Variants in RHEB observed in about 807,000 individuals in gnomAD.
The protein encoded by RHEB is Ras homolog, mTORC1 binding, also known as GTP-binding protein Rheb.
Under a neutral mutation model 28.8 loss-of-function variants are expected in RHEB, and 2 were observed. The observed-to-expected ratio is 0.07, with a 90% CI of 0.03 to 0.22. The LOEUF (loss-of-function observed/expected upper bound fraction) is 0.22. Among genes scored for constraint, RHEB ranks in the 10% least tolerant of loss-of-function variants. The pLI, the probability that RHEB is intolerant of heterozygous loss-of-function variation, is 1.00. For synonymous variants in RHEB, 69 were observed against 77.3 expected (o/e 0.89, Z 0.56); for missense variants, 76 against 219.9 (o/e 0.35, Z 4.14).
chr7:151,518,602 A>G (rs1398991904), intron 1 of RHEB, among the ~76,000 whole-genome samples: 1 of 152,100 alleles, frequency 6.6e-6, no homozygotes, highest in African/African-American at 2.4e-5. Flanking sequence ...TCGTTCTGTA[A>G]CACCCCGTCC....
intron 1 of RHEB, chr7:151,503,466 A>C: frequency 1.8e-6 from 2 of 1,129,432 alleles, no homozygotes; most frequent in Middle Eastern, 2.9e-4. Flanking sequence ...ATGACTAGAC[A>C]TGAGTCTGGC....
At chr7:151,499,780 A>G (rs373012767) in intron 1 of RHEB, among the ~76,000 whole-genome samples, 16 of 152,318 alleles carry the variant, frequency 1.1e-4, no homozygotes, top group African/African-American at 3.8e-4. Flanking sequence ...ACTAATTGAG[A>G]AAAGTCAAAT....
chr7:151,498,972 A>G (rs1802721086), intron 1 of RHEB, among the ~76,000 whole-genome samples: 1 of 152,278 alleles, frequency 6.6e-6, no homozygotes, highest in South Asian at 2.1e-4. Flanking sequence ...TTAAACAGCT[A>G]TTAAGTGCGA....
At chr7:151,469,827 A>G (rs1802128894) in intron 7 of RHEB, among the ~76,000 whole-genome samples, 1 of 152,208 alleles carries the variant, frequency 6.6e-6, no homozygotes, top group Admixed American at 6.5e-5. Context: ...TATTGACTGC[A>G]TTCAGGACCA....
chr7:151,505,998 G>A (rs1802869823), intron 1 of RHEB, among the ~76,000 whole-genome samples: 1 of 152,006 alleles, frequency 6.6e-6, no homozygotes, highest in Admixed American at 6.6e-5. Flanking sequence ...AGGGCGTGAG[G>A]GACATGAGAG....
At chr7:151,488,908 C>G (rs995931750) in intron 2 of RHEB, among the ~76,000 whole-genome samples, 4 of 152,176 alleles carry the variant, frequency 2.6e-5, no homozygotes, top group Admixed American at 2.6e-4. Context: ...GTATATATAG[C>G]TCCATGATAC....
intron 1 of RHEB, chr7:151,502,386 G>T: frequency 1.2e-6 from 1 of 804,356 alleles, no homozygotes; most frequent in Non-Finnish European, 2.2e-6. Context: ...GGAGTAAACC[G>T]CCATCCAGTC....
chr7:151,467,457 C>A (rs984998723), intron 7 of RHEB, among the ~76,000 whole-genome samples: 1 of 152,006 alleles, frequency 6.6e-6, no homozygotes, highest in African/African-American at 2.4e-5. Flanking sequence ...CACCAGGAGA[C>A]GCCCGAAGAG....
intron 3 of RHEB, among the ~76,000 whole-genome samples, chr7:151,482,898 G>A (rs1190046990): frequency 6.6e-6 from 1 of 152,134 alleles, no homozygotes; most frequent in Non-Finnish European, 1.5e-5. Context: ...CGTCATCTGT[G>A]CCATGCCCCC....
At chr7:151,478,837 G>A (rs914954089) in intron 3 of RHEB, among the ~76,000 whole-genome samples, 3 of 152,102 alleles carry the variant, frequency 2.0e-5, no homozygotes, top group South Asian at 2.1e-4. Flanking sequence ...ATTTTACCAC[G>A]TTGGCCAGGC....
intron 1 of RHEB, chr7:151,502,202 C>T (rs1041610215): frequency 4.3e-6 from 2 of 469,640 alleles, no homozygotes; most frequent in Admixed American, 3.8e-5. Context: ...CGCCACTGTA[C>T]TCCAGCCTGG....
intron 1 of RHEB, among the ~76,000 whole-genome samples, chr7:151,497,327 T>C (rs763343029): frequency 2.0e-5 from 3 of 152,198 alleles, no homozygotes; most frequent in Non-Finnish European, 2.9e-5. Context: ...ATGTAATTTA[T>C]TGAGTCCCAC....
intron 2 of RHEB, among the ~76,000 whole-genome samples, chr7:151,486,786 G>A (rs1802483587): frequency 6.6e-6 from 1 of 152,278 alleles, no homozygotes; most frequent in Non-Finnish European, 1.5e-5. Context: ...ATTAGAGGTG[G>A]AGATATTCTG....
chr7:151,496,733 C>G (rs1049784276), intron 1 of RHEB, among the ~76,000 whole-genome samples: 16 of 151,932 alleles, frequency 1.1e-4, no homozygotes, highest in African/African-American at 3.9e-4. Context: ...TCTCCAATTT[C>G]CCTTCTGTAG....
At chr7:151,483,998 C>T (rs1186587659) in intron 3 of RHEB, among the ~76,000 whole-genome samples, 2 of 152,130 alleles carry the variant, frequency 1.3e-5, no homozygotes, top group Non-Finnish European at 2.9e-5. Flanking sequence ...TGACTTTTGG[C>T]CATTATCTAC....
At chr7:151,515,446 A>G (rs894584800) in intron 1 of RHEB, among the ~76,000 whole-genome samples, 6 of 152,216 alleles carry the variant, frequency 3.9e-5, no homozygotes, top group Admixed American at 2.6e-4. Flanking sequence ...TTGGCACTGG[A>G]AAGCCATAAT....
intron 1 of RHEB, among the ~76,000 whole-genome samples, chr7:151,513,711 T>C (rs1803029450): frequency 6.6e-6 from 1 of 152,174 alleles, no homozygotes. Context: ...ACTTATGAAG[T>C]TTCGGTATCA....
Position 151,472,923 on chromosome 7 carries a change from C to T in RHEB, c.276-1318G>A, listed in dbSNP as rs529521134. Among the ~76,000 whole-genome samples, 4 of 152,348 alleles carry T rather than the reference C, an allele frequency of 2.6e-5. No individual in the cohort carries two copies. Among genetic ancestry groups the T allele is most frequent in the Non-Finnish European group, 4.4e-5 (3 of 68,044 alleles). Reference sequence around the variant, plus strand: ...GACCTGCGGTTGCATTACAGAACCACGGTTTCCTCCGCATGCTGTATTTGC... The same window carrying T: ...GACCTGCGGTTGCATTACAGAACCATGGTTTCCTCCGCATGCTGTATTTGC... On this transcript the variant is annotated intron_variant, in intron 4 of 7. Coordinates refer to ENST00000262187, the MANE Select transcript of RHEB (RefSeq NM_005614.4). This position sits in a 1 kb window ranked among gnomAD's most constrained non-coding sequence, Gnocchi z 5.2.
At chr7:151,498,958 T>C (rs1191698555) in intron 1 of RHEB, among the ~76,000 whole-genome samples, 1 of 152,250 alleles carries the variant, frequency 6.6e-6, no homozygotes, top group Non-Finnish European at 1.5e-5. Context: ...CAAGTATCTA[T>C]CTGTTAAACA....
Sources: gnomAD v4.1 joint callset for allele counts (sites outside exome capture counted in the v4.1 genomes callset) on GRCh38, gnomAD v4.1.1 for gene constraint, Gnocchi (gnomAD v3.1) non-coding constraint, MANE v1.5 for transcripts, NCBI Gene and HGNC (gene_info 2026-07-23, HGNC 2026-07-21) for gene names.